TTBK2: variants seen among roughly 807,000 people sequenced by gnomAD.
TTBK2 encodes tau tubulin kinase 2.
A neutral mutation model predicts 110.8 loss-of-function variants in TTBK2; 28 were observed. The observed-to-expected ratio is 0.25, with a 90% CI of 0.19 to 0.35. The LOEUF (loss-of-function observed/expected upper bound fraction) is 0.35. Among genes scored for constraint, TTBK2 ranks in the 10% least tolerant of loss-of-function variants. TTBK2 has a pLI of 1.00. For synonymous variants in TTBK2, 532 were observed against 527.3 expected, an observed-to-expected ratio of 1.01 and a Z score of -0.12; for missense variants, 1,369 against 1,500.3, an observed-to-expected ratio of 0.91 and a Z score of 1.45.
chr15:42,901,762 C>T (rs2030032094), intron 1 of TTBK2, among the ~76,000 whole-genome samples: 1 of 151,966 alleles, frequency 6.6e-6, no homozygotes, highest in South Asian at 2.1e-4. Flanking sequence ...ATCTAGAGTA[C>T]ATAAAGAACT....
At chr15:42,916,571 A>G (rs2031093584) in intron 1 of TTBK2, among the ~76,000 whole-genome samples, 1 of 152,090 alleles carries the variant, frequency 6.6e-6, no homozygotes, top group African/African-American at 2.4e-5. Context: ...AAGTGATTCA[A>G]TTACCTACCT....
At chr15:42,909,371 C>A (rs1398191095) in intron 1 of TTBK2, among the ~76,000 whole-genome samples, 2 of 152,202 alleles carry the variant, frequency 1.3e-5, no homozygotes, top group Admixed American at 6.5e-5. Flanking sequence ...ATCTTCAAAT[C>A]TCTCTCTGAC....
intron 13 of TTBK2, among the ~76,000 whole-genome samples, chr15:42,765,731 A>C (rs1173122043): frequency 1.3e-5 from 2 of 152,224 alleles, no homozygotes; most frequent in African/African-American, 4.8e-5. Context: ...CAATCTAGCA[A>C]GGCAGGCCAA....
intron 1 of TTBK2, among the ~76,000 whole-genome samples, chr15:42,880,391 T>C (rs1319898122): frequency 6.6e-6 from 1 of 152,186 alleles, no homozygotes; most frequent in Non-Finnish European, 1.5e-5. Context: ...TTCTTTTCTT[T>C]TCTTTTTTCT....
intron 3 of TTBK2, among the ~76,000 whole-genome samples, chr15:42,870,669 T>C (rs1894579632): frequency 6.6e-6 from 1 of 152,006 alleles, no homozygotes; most frequent in Non-Finnish European, 1.5e-5. Flanking sequence ...GAGACCATCC[T>C]GGCCAACATG....
chr15:42,754,652 C>T (rs1025410589), intron 13 of TTBK2, among the ~76,000 whole-genome samples: 5 of 148,100 alleles, frequency 3.4e-5, no homozygotes, highest in Non-Finnish European at 7.5e-5. Flanking sequence ...CCACCTCGGC[C>T]TCCCAAAGTG....
chr15:42,788,676 A>C (rs979976291), intron 10 of TTBK2, among the ~76,000 whole-genome samples: 1 of 152,180 alleles, frequency 6.6e-6, no homozygotes, highest in Non-Finnish European at 1.5e-5. Flanking sequence ...TTTGGCTTGA[A>C]TTCTACATCA....
chr15:42,899,536 C>G (rs1895801069), intron 1 of TTBK2, among the ~76,000 whole-genome samples: 1 of 151,866 alleles, frequency 6.6e-6, no homozygotes, highest in Admixed American at 6.6e-5. Context: ...GTCAGGAGAT[C>G]GAGACCATCT....
At chr15:42,835,414 A>G (rs1955148422) in intron 4 of TTBK2, among the ~76,000 whole-genome samples, 1 of 152,232 alleles carries the variant, frequency 6.6e-6, no homozygotes, top group Non-Finnish European at 1.5e-5. Flanking sequence ...ACAGAAATAC[A>G]TATTAAAGAC....
At chr15:42,763,997 T>TAG (rs1368153750) in intron 13 of TTBK2, among the ~76,000 whole-genome samples, 1 of 152,162 alleles carries the variant, frequency 6.6e-6, no homozygotes, top group African/African-American at 2.4e-5. Flanking sequence ...ATCCAAAGAA[T>TAG]AGAAGCCCAG....
intron 1 of TTBK2, among the ~76,000 whole-genome samples, chr15:42,880,385 T>C (rs1894993691): frequency 6.6e-6 from 1 of 152,152 alleles, no homozygotes; most frequent in Admixed American, 6.5e-5. Flanking sequence ...AGCAGTTTCT[T>C]TTCTTTTCTT....
intron 3 of TTBK2, among the ~76,000 whole-genome samples, chr15:42,865,905 C>T (rs1405683964): frequency 6.6e-6 from 1 of 152,110 alleles, no homozygotes; most frequent in Non-Finnish European, 1.5e-5. Context: ...TCTACCTATA[C>T]AAACAATCAC....
intron 13 of TTBK2, among the ~76,000 whole-genome samples, chr15:42,766,420 G>T (rs1024724543): frequency 2.4e-5 from 3 of 127,194 alleles, no homozygotes; most frequent in Non-Finnish European, 4.6e-5. Flanking sequence ...AAGGGACGAA[G>T]GAAGATCTAC....
intron 9 of TTBK2, among the ~76,000 whole-genome samples, chr15:42,802,687 A>G (rs1234145105): frequency 1.3e-5 from 2 of 152,236 alleles, no homozygotes; most frequent in Non-Finnish European, 2.9e-5. Context: ...AAATGTGTCG[A>G]CAGGCATTTC....
At position 42,897,545 on chromosome 15, in the gene TTBK2, ATTAAG is replaced by A. The variant is rs1011919571; in HGVS notation, c.-67-18866_-67-18862del. ...TCTGATCTCCAGGGCAGCCTGACAC[ATTAAG>A]TTGAGAAGGATCCTGAAGCAAAGTC... On this transcript the variant is annotated intron_variant, in intron 1 of 14. Coordinates refer to ENST00000267890, the MANE Select transcript of TTBK2 (RefSeq NM_173500.4). Among the ~76,000 whole-genome samples, 10 of 152,252 alleles carry A rather than the reference ATTAAG, an allele frequency of 6.6e-5. 1 individual carries two copies. Among genetic ancestry groups the A allele is most frequent in the Admixed American group, 3.9e-4 (6 of 15,278 alleles).
chr15:42,816,756 A>G (rs1483259994), intron 7 of TTBK2, among the ~76,000 whole-genome samples: 1 of 151,950 alleles, frequency 6.6e-6, no homozygotes, highest in African/African-American at 2.4e-5. Context: ...TTTCTCTACT[A>G]AAAATACAAA....
intron 11 of TTBK2, among the ~76,000 whole-genome samples, chr15:42,782,200 T>C (rs1346675727): frequency 6.6e-6 from 1 of 152,148 alleles, no homozygotes; most frequent in Non-Finnish European, 1.5e-5. Context: ...GCTTCCCAAG[T>C]AGCTGGGATT....
intron 3 of TTBK2, among the ~76,000 whole-genome samples, chr15:42,857,717 C>T (rs1297230763): frequency 6.6e-6 from 1 of 152,080 alleles, no homozygotes; most frequent in East Asian, 1.9e-4. Flanking sequence ...TACGTTCTTA[C>T]ATAAAAACTT....
At chr15:42,836,004 T>G (rs1892970463) in intron 4 of TTBK2, among the ~76,000 whole-genome samples, 1 of 152,212 alleles carries the variant, frequency 6.6e-6, no homozygotes, top group African/African-American at 2.4e-5. Flanking sequence ...TTGTACTGGT[T>G]ACAGCACTTG....
Sources: gnomAD v4.1 joint callset for allele counts (sites outside exome capture counted in the v4.1 genomes callset) on GRCh38, gnomAD v4.1.1 for gene constraint, MANE v1.5 for transcripts, NCBI Gene and HGNC (gene_info 2026-07-23, HGNC 2026-07-21) for gene names.